RABL6: variants seen among roughly 807,000 people sequenced by gnomAD.
RABL6 encodes rab-like protein 6.
Under a neutral mutation model 72.9 loss-of-function variants are expected in RABL6, and 28 were observed. The ratio of observed to expected loss-of-function variants is 0.38; its 90% CI spans 0.28 to 0.53. RABL6 has a LOEUF of 0.53. RABL6 is among the 20% of genes least tolerant of loss of function. The pLI is 0.80. For synonymous variants in RABL6, 477 were observed against 421.2 expected (o/e 1.13, Z -1.62); for missense variants, 1,029 against 1,008.4 (o/e 1.02, Z -0.28).
chr9:136,812,721 G>T, intron 1 of RABL6: 2 of 298,624 alleles, frequency 6.7e-6, no homozygotes, highest in Admixed American at 3.4e-5. Flanking sequence ...ATCAGGTAAC[G>T]GAATAAAAAC....
In RABL6 at chr9:136,839,834, G is replaced by A. The variant is rs1848656254; in HGVS notation, c.1899G>A (p.Glu633=). ...CGGACCTCTTCGGGCTGGGGCTGGA[G>A]GAGGCCGGACCCAAGGAGAGCAGTG... ...NDSDLFGLGL[E]EAGPKESSEE... is the part of the protein sequence containing the mutation. The change falls in exon 13 of 15, where the codon GAG becomes GAA. Residue 633 remains glutamate (E), a synonymous_variant. Coordinates refer to ENST00000311502, the MANE Select transcript of RABL6 (RefSeq NM_024718.5). 7 of 1,612,600 alleles carry A rather than the reference G, an allele frequency of 4.3e-6. No individual in the cohort carries two copies. Among genetic ancestry groups the A allele is most frequent in the Admixed American group, 3.3e-5 (2 of 60,002 alleles).
chr9:136,824,652 T>A (rs1320984253), intron 2 of RABL6, among the ~76,000 whole-genome samples: 1 of 151,816 alleles, frequency 6.6e-6, no homozygotes, highest in East Asian at 1.9e-4. Flanking sequence ...ACACCTTTCC[T>A]TTTCACTGCA....
intron 7 of RABL6, chr9:136,833,339 G>T (rs1319398646): frequency 8.8e-6 from 3 of 342,638 alleles, no homozygotes; most frequent in Non-Finnish European, 1.7e-5. Flanking sequence ...GAACCTCCTC[G>T]CCCTGGGCTG....
chr9:136,825,102 G>A (rs990753986), intron 2 of RABL6, among the ~76,000 whole-genome samples: 5 of 152,220 alleles, frequency 3.3e-5, no homozygotes, highest in Non-Finnish European at 7.3e-5. Flanking sequence ...GGGAGCTCAG[G>A]AGGAGTGGTT....
chr9:136,813,017 CCTCA>C, intron 1 of RABL6: 1 of 369,608 alleles, frequency 2.7e-6, no homozygotes, highest in South Asian at 2.4e-5. Context: ...TTGGCATCCT[CCTCA>C]CTGTTGCCAT....
chr9:136,821,560 G>C lies in RABL6; in HGVS notation c.131-1965G>C, dbSNP rs534771672. On this transcript the variant is annotated intron_variant, in intron 1 of 14. Coordinates refer to ENST00000311502, the MANE Select transcript of RABL6 (RefSeq NM_024718.5). The stretch of plus-strand genomic sequence containing the variant: ...GCGAGCCCGGGCTGCTGCTCATCTG[G>C]GGGGGACGGCGGCCGCCCGACTGAG... 1.9e-4 allele frequency: 192 copies of C among 985,430 alleles called. 1 individual carries two copies. In the African/African-American group the frequency reaches 2.2e-3, roughly 11 times the overall value. The allele number at this position is 985,430 out of a possible 1,614,324, so 61.0% of individuals were successfully genotyped here.
chr9:136,832,529 C>T (rs1230807106), intron 7 of RABL6, 159 bp downstream of exon 7: 1 of 734,222 alleles, frequency 1.4e-6, no homozygotes, highest in Non-Finnish European at 2.5e-6. Context: ...CTGCACCTGC[C>T]TGCTCTGGGT....
At position 136,826,926 on chromosome 9, in the gene RABL6, C is replaced by CA. The variant is rs879452172; in HGVS notation, c.313+1101dup. ...GGAGCGGGCACAGGCTTCCCGTAGA[C>CA]ACGGTTGCCCAGAGTGGGGTTCATA... On this transcript the variant is annotated intron_variant, in intron 3 of 14. Transcript: ENST00000311502. This position sits in a 1 kb window ranked among gnomAD's most constrained non-coding sequence, Gnocchi z 4.9. 7 of 152,240 alleles carry CA rather than the reference C, an allele frequency of 4.6e-5. No individual in the cohort carries two copies. Among genetic ancestry groups the CA allele is most frequent in the Admixed American group, 1.3e-4 (2 of 15,278 alleles). The allele number at this position is 152,240 out of a possible 1,614,324, so 9.4% of individuals were successfully genotyped here. A position where few individuals can be genotyped will look rare whatever the true frequency, so the allele number is the denominator to read the frequency against.
chr9:136,841,091 A>G lies in RABL6; in HGVS notation c.*569A>G. 7.2e-7 allele frequency: 1 copy of G among 1,382,108 alleles called. No homozygotes were observed. The highest frequency in any genetic ancestry group is 9.4e-7 in the Non-Finnish European group (1 of 1,064,730). 85.6% of individuals were successfully genotyped at this position (1,382,108 alleles called of 1,614,324 possible). A position where few individuals can be genotyped will look rare whatever the true frequency, so the allele number is the denominator to read the frequency against. On this transcript the variant is annotated 3_prime_UTR_variant, in exon 15 of 15. Transcript: ENST00000311502. ...GGGTTGTGTTTCCCACAGTGGCCTC[A>G]GCTGCGCCCCCGCTCAGGTGAGCCC...
chr9:136,829,410 C>T lies in RABL6; in HGVS notation c.384C>T (p.Ala128=), dbSNP rs1848424853. 6.3e-7 allele frequency: 1 copy of T among 1,576,496 alleles called. No homozygotes were observed. Among genetic ancestry groups the T allele is most frequent in the East Asian group, 2.3e-5 (1 of 42,920 alleles). ...GTCCCCAGGCGGAGTCTGAAATGGCCCTGGATGCTGAGTTCCTGGACGTGT... is the reference window on the plus strand; with the variant it reads ...GTCCCCAGGCGGAGTCTGAAATGGCTCTGGATGCTGAGTTCCTGGACGTGT... The part of the protein sequence containing the change: ...NDPQEAESEM[A]LDAEFLDVYK... Residue 128 remains alanine, a synonymous_variant, in exon 5 of 15, where the codon GCC becomes GCT. Transcript: ENST00000311502.
rs1398875928 is a variant in RABL6 at position 136,837,654 on chromosome 9, C to T, written c.1118C>T (p.Pro373Leu). ...TCACCTGCCACCGAGGCAGCCCCTC[C>T]ACCTCCAGGTAGGCCCTGGAGCTGC... ...GTSPATEAAP[P>L]PPEPVPAAEG... Residue 373 changes from proline (P) to leucine (L), a missense_variant, in exon 9 of 15, where the codon CCA (proline) becomes CTA (leucine). Pro to Leu is a moderately conservative substitution (Grantham distance 98). This residue lies in a region of RABL6 where 434 missense variants were observed against 536.1 expected (regional missense o/e 0.81). Coordinates refer to ENST00000311502, the MANE Select transcript of RABL6 (RefSeq NM_024718.5). 1.9e-6 allele frequency: 3 copies of T among 1,588,132 alleles called. No individual in the cohort carries two copies. Among genetic ancestry groups the T allele is most frequent in the African/African-American group, 2.7e-5 (2 of 74,420 alleles).
chr9:136,817,411 G>A (rs984896553), intron 1 of RABL6, among the ~76,000 whole-genome samples: 1 of 152,176 alleles, frequency 6.6e-6, no homozygotes, highest in Non-Finnish European at 1.5e-5. Flanking sequence ...AAACATCTTA[G>A]ATGCAACCAG....
intron 1 of RABL6, among the ~76,000 whole-genome samples, chr9:136,811,383 C>T (rs1181262405): frequency 5.3e-5 from 8 of 151,866 alleles, no homozygotes; most frequent in East Asian, 3.9e-4. Context: ...ATTGAGAGGC[C>T]GAGGCAGGCG....
intron 3 of RABL6, 98 bp downstream of exon 3, chr9:136,825,924 C>T: frequency 1.4e-6 from 2 of 1,400,400 alleles, no homozygotes; most frequent in Non-Finnish European, 2.0e-6. Flanking sequence ...CATCACCCAC[C>T]ATCCTCGTGG....
rs1396366017 is a variant in RABL6, at chr9:136,832,355, A to G, written c.690A>G (p.Pro230=). 4 of 1,612,854 alleles carry G rather than the reference A, an allele frequency of 2.5e-6. No individual in the cohort carries two copies. In the African/African-American group the frequency reaches 4.0e-5, roughly 16 times the overall value. The change falls in exon 7 of 15, where the codon CCA becomes CCG. Residue 230 remains proline, a synonymous_variant. Transcript: ENST00000311502. The part of the protein sequence containing the change: ...LKYLHKFFNI[P]FLQLQRETLL... ...ACCTTCATAAGTTCTTCAATATCCC[A>G]TTTTTGCAGCTTCAGGTAAGCACTC...
At chr9:136,823,044 C>A (rs770434447) in intron 1 of RABL6, among the ~76,000 whole-genome samples, 2 of 150,058 alleles carry the variant, frequency 1.3e-5, no homozygotes, top group African/African-American at 4.9e-5. Context: ...GCCGAGATAG[C>A]ACCACTGCAG....
In RABL6 at chr9:136,829,424, TC is replaced by T; in HGVS notation, c.400del (p.Leu134TrpfsTer12). The T allele has an allele frequency of 6.3e-7, 1 of 1,583,366 alleles. No homozygotes were observed. The highest frequency in any genetic ancestry group is 8.6e-7 in the Non-Finnish European group (1 of 1,164,984). On this transcript the variant is annotated frameshift_variant, in exon 5 of 15. Coordinates refer to ENST00000311502, the MANE Select transcript of RABL6 (RefSeq NM_024718.5). LOFTEE classifies it high-confidence loss of function. ...AESEMALDAEFLDVYKNCNGV... is the reference protein window; with the variant it reads ...AESEMALDAEXLDVYKNCNGV... ...TCTGAAATGGCCCTGGATGCTGAGT[TC>T]CTGGACGTGTACAAGAACTGCAACG... is the stretch of plus-strand genomic sequence containing the variant.
chr9:136,839,946 C>T, intron 13 of RABL6, 81 bp downstream of exon 13: 1 of 1,529,608 alleles, frequency 6.5e-7, no homozygotes, highest in Non-Finnish European at 8.8e-7. Context: ...TGGCCGCTGG[C>T]CGGGGTCCTC....
intron 1 of RABL6, among the ~76,000 whole-genome samples, chr9:136,818,369 A>C (rs760503534): frequency 0.097 from 2,784 of 28,700 alleles, 165 homozygotes; most frequent in South Asian, 0.26. Flanking sequence ...TCTCAAAAAA[A>C]AAAAAAAAAA....
Sources: gnomAD v4.1 joint callset for allele counts (sites outside exome capture counted in the v4.1 genomes callset) on GRCh38, gnomAD v4.1.1 for gene constraint, gnomAD v4.1.1 regional missense constraint, Gnocchi (gnomAD v3.1) non-coding constraint, MANE v1.5 for transcripts, NCBI Gene and HGNC (gene_info 2026-07-23, HGNC 2026-07-21) for gene names.